Variants in IFT74 observed in about 807,000 individuals in gnomAD.
IFT74 encodes the protein intraflagellar transport protein 74 homolog.
In IFT74, 92 loss-of-function variants were observed where a neutral mutation model predicts 96.7. The ratio of observed to expected loss-of-function variants is 0.95; its 90% confidence interval spans 0.80 to 1.13. The LOEUF is 1.13. IFT74 is among the 50% of genes most tolerant of loss of function. The probability of loss-of-function intolerance (pLI) is 0.00; values close to 1 mark genes in which losing one functional copy is unlikely to be tolerated. For missense variants in IFT74, 811 were observed against 698.2 expected, an observed-to-expected ratio of 1.16 and a Z score of -1.82; for synonymous variants, 223 against 213.2, an observed-to-expected ratio of 1.05 and a Z score of -0.40.
intron 9 of IFT74, among the ~76,000 whole-genome samples, chr9:27,011,101 A>C (rs1240031156): frequency 2.6e-5 from 4 of 152,168 alleles, no homozygotes; most frequent in Admixed American, 2.0e-4. Flanking sequence ...AAAAACACAA[A>C]AATTAGCCAG....
chr9:27,015,942 T>C (rs933840261), intron 10 of IFT74, among the ~76,000 whole-genome samples: 1 of 152,180 alleles, frequency 6.6e-6, no homozygotes, highest in African/African-American at 2.4e-5. Context: ...TCCTACCTTT[T>C]TTTTGGTGTT....
intron 2 of IFT74, among the ~76,000 whole-genome samples, chr9:26,971,846 A>G (rs1002094083): frequency 1.3e-5 from 2 of 152,172 alleles, no homozygotes; most frequent in African/African-American, 4.8e-5. Context: ...TGTACTTAGA[A>G]TCAGTATAGA....
intron 13 of IFT74, among the ~76,000 whole-genome samples, chr9:27,030,065 G>A (rs1264423405): frequency 1.3e-5 from 2 of 152,098 alleles, no homozygotes; most frequent in Non-Finnish European, 2.9e-5. Context: ...GTTAAAGGAG[G>A]AGGTTGAGCA....
intron 4 of IFT74, among the ~76,000 whole-genome samples, chr9:26,981,752 T>C (rs536354183): frequency 6.6e-6 from 1 of 150,782 alleles, no homozygotes; most frequent in South Asian, 2.1e-4. Flanking sequence ...ACTTTTTTCA[T>C]CTAATGATAA....
intron 10 of IFT74, among the ~76,000 whole-genome samples, chr9:27,012,613 C>CT (rs1008793251): frequency 1.4e-5 from 2 of 147,806 alleles, no homozygotes; most frequent in Non-Finnish European, 3.0e-5. Context: ...TAAAAACTTA[C>CT]TTTTTTTATT....
intron 1 of IFT74, among the ~76,000 whole-genome samples, chr9:26,948,371 T>A (rs1363634350): frequency 6.6e-6 from 1 of 150,672 alleles, no homozygotes. Flanking sequence ...ATCCTACACA[T>A]TAAAATATAA....
At position 27,064,776 on chromosome 9, in the gene IFT74, T is replaced by C. The variant is rs1587440411; in HGVS notation, c.*2040T>C. ...TTTTATGATTTCTACTTAAGTGTTC[T>C]TGACATTTTACTGCACCCTTTTAAA... On this transcript the variant is annotated 3_prime_UTR_variant, in exon 20 of 20. Transcript: ENST00000380062. 6.6e-6 allele frequency among the ~76,000 whole-genome samples: 1 copy of C among 152,160 alleles called. No homozygotes were observed. The highest frequency in any genetic ancestry group is 1.5e-5 in the Non-Finnish European group (1 of 67,980).
At chr9:26,987,963 GT>G (rs1489078289) in intron 6 of IFT74, among the ~76,000 whole-genome samples, 1 of 151,736 alleles carries the variant, frequency 6.6e-6, no homozygotes, top group South Asian at 2.1e-4. Context: ...TGTTGTTGTT[GT>G]TTTTTGAGAC....
intron 8 of IFT74, 102 bp from the exon 9 acceptor site, chr9:27,008,918 G>A: frequency 1.1e-6 from 1 of 883,650 alleles, no homozygotes; most frequent in South Asian, 2.1e-5. Context: ...GTGGTTGAAT[G>A]TCTTTAAGTA....
At chr9:27,021,409 A>G (rs566578401) in intron 12 of IFT74, among the ~76,000 whole-genome samples, 118 of 152,316 alleles carry the variant, frequency 7.7e-4, no homozygotes, top group African/African-American at 2.5e-3. Flanking sequence ...GAATCTCCAT[A>G]CTGTTTTCCA....
At chr9:26,949,581 G>T (rs752477531) in intron 1 of IFT74, among the ~76,000 whole-genome samples, 1 of 152,028 alleles carries the variant, frequency 6.6e-6, no homozygotes, top group Non-Finnish European at 1.5e-5. Context: ...CTGTGTAATT[G>T]CCTGCTGCCT....
upstream of IFT74, among the ~76,000 whole-genome samples, chr9:26,954,641 G>T (rs935502194): frequency 2.7e-5 from 4 of 150,830 alleles, no homozygotes; most frequent in Admixed American, 2.7e-4. Context: ...TCTAATAAAA[G>T]ACATTTGGGT....
At chr9:26,987,045 T>C (rs796825968) in intron 6 of IFT74, among the ~76,000 whole-genome samples, 5 of 152,314 alleles carry the variant, frequency 3.3e-5, no homozygotes, top group East Asian at 3.9e-4. Context: ...AAAATAGTTT[T>C]TTTTTGTTTT....
intron 8 of IFT74, chr9:26,993,635 G>A (rs1827989695): frequency 6.6e-6 from 1 of 152,130 alleles, no homozygotes; most frequent in Admixed American, 6.6e-5. Flanking sequence ...CTAAGGAATT[G>A]TCAAGTACAT....
upstream of IFT74, among the ~76,000 whole-genome samples, chr9:26,954,754 CT>C (rs1156895592): frequency 6.6e-6 from 1 of 151,812 alleles, no homozygotes; most frequent in Non-Finnish European, 1.5e-5. Flanking sequence ...CAGAAAGGAA[CT>C]TGAAACACAA....
intron 9 of IFT74, among the ~76,000 whole-genome samples, chr9:27,010,803 G>A (rs1322509704): frequency 3.3e-5 from 5 of 152,108 alleles, no homozygotes; most frequent in Non-Finnish European, 7.4e-5. Flanking sequence ...AGATGAGTGA[G>A]AACATGCAAT....
At chr9:27,012,803 G>A (rs1312307474) in intron 10 of IFT74, among the ~76,000 whole-genome samples, 5 of 131,160 alleles carry the variant, frequency 3.8e-5, no homozygotes, top group African/African-American at 1.4e-4. Flanking sequence ...TGCAAGCTCC[G>A]CCTCCCAGGT....
chr9:26,952,244 G>A (rs888880396), upstream of IFT74, among the ~76,000 whole-genome samples: 6 of 150,034 alleles, frequency 4.0e-5, no homozygotes, highest in South Asian at 6.3e-4. Context: ...GATTTTTATC[G>A]TCCCCTCATT....
intron 2 of IFT74, among the ~76,000 whole-genome samples, chr9:26,971,732 G>A (rs1231073917): frequency 6.6e-6 from 1 of 152,136 alleles, no homozygotes; most frequent in Admixed American, 6.6e-5. Flanking sequence ...GCTGGAGATT[G>A]TTTAAGACAT....
Sources: allele counts gnomAD v4.1 joint callset (sites outside exome capture counted in the v4.1 genomes callset), GRCh38; gene constraint gnomAD v4.1.1; transcripts MANE v1.5; gene names NCBI Gene and HGNC (gene_info 2026-07-23, HGNC 2026-07-21).